The following ATAD3B variants were observed in gnomAD, a reference collection of about 807,000 sequenced individuals.
ATAD3B encodes the protein ATPase family AAA domain-containing protein 3B.
ATAD3B carries 59 observed loss-of-function variants against 70.2 expected under a neutral mutation model. The ratio of observed to expected loss-of-function variants is 0.84; its 90% confidence interval spans 0.68 to 1.04. The LOEUF (loss-of-function observed/expected upper bound fraction) is 1.04, where lower values mean the gene tolerates loss of function less well. Among genes scored for constraint, ATAD3B ranks in the 50% least tolerant of loss-of-function variants. The pLI is 0.00. For synonymous variants in ATAD3B, 423 were observed against 388.6 expected (o/e 1.09, Z -1.04); for missense variants, 961 against 913.4 (o/e 1.05, Z -0.67).
In ATAD3B at chr1:1,496,091, A is replaced by G; in HGVS notation, c.*274A>G. 2 of 1,205,384 alleles carry G rather than the reference A, an allele frequency of 1.7e-6. No homozygotes were observed. The highest frequency in any genetic ancestry group is 1.0e-6 in the Non-Finnish European group (1 of 966,882). The allele number at this position is 1,205,384 out of a possible 1,614,324, so 74.7% of individuals were successfully genotyped here. A position where few individuals can be genotyped will look rare whatever the true frequency, so the allele number is the denominator to read the frequency against. ...CTGAACCCTGCTTCCAGCCATGGCC[A>G]GGGGCCACGGAACCCGGCAGGGGTG... On this transcript the variant is annotated 3_prime_UTR_variant, in exon 16 of 16. Coordinates refer to ENST00000673477, the MANE Select transcript of ATAD3B (RefSeq NM_031921.6).
the ATAD3B span, among the ~76,000 whole-genome samples, chr1:1,508,535 G>T: frequency 3.9e-4 from 59 of 151,350 alleles, no homozygotes; most frequent in Non-Finnish European, 7.4e-4. Flanking sequence ...GCCCAGTGGG[G>T]GTCCCCACAC....
intron 8 of ATAD3B, among the ~76,000 whole-genome samples, chr1:1,485,534 G>A (rs1640160304): frequency 1.3e-5 from 2 of 152,114 alleles, no homozygotes; most frequent in African/African-American, 4.8e-5. Context: ...CCCCTGAGGT[G>A]CCTGCTCTCC....
At chr1:1,506,454 G>T in the ATAD3B span, among the ~76,000 whole-genome samples, 5 of 151,718 alleles carry the variant, frequency 3.3e-5, no homozygotes, top group South Asian at 1.0e-3. Context: ...ACCCAGGCTG[G>T]AGTGCAGTCG....
chr1:1,493,295 T>A (rs975144056), intron 15 of ATAD3B, among the ~76,000 whole-genome samples: 2 of 151,944 alleles, frequency 1.3e-5, no homozygotes, highest in Non-Finnish European at 2.9e-5. Context: ...GGAATAGAAG[T>A]GGTCAGAATT....
downstream of ATAD3B, among the ~76,000 whole-genome samples, chr1:1,498,419 C>G (rs1640854547): frequency 2.0e-5 from 3 of 151,956 alleles, no homozygotes; most frequent in Admixed American, 2.0e-4. Context: ...CGAGATCGCA[C>G]CACTGCACTC....
In ATAD3B at chr1:1,497,436, G is replaced by T. The variant is rs912293531; in HGVS notation, c.*1619G>T. The stretch of plus-strand genomic sequence containing the variant: ...TGTAGAGACCGAGTCTTGCTATAAT[G>T]CCCAGGCTGGTCTCCAACTCTTGGC... On this transcript the variant is annotated 3_prime_UTR_variant, in exon 16 of 16. Transcript: ENST00000673477. The T allele has an allele frequency of 4.0e-5, 6 of 149,296 alleles. No homozygotes were observed. Among genetic ancestry groups the T allele is most frequent in the Admixed American group, 6.7e-5 (1 of 14,878 alleles). The allele number at this position is 149,296 out of a possible 1,614,324, so 9.2% of individuals were successfully genotyped here.
At chr1:1,501,162 CAG>C (rs1471223268), downstream of ATAD3B, among the ~76,000 whole-genome samples, 5 of 152,078 alleles carry the variant, frequency 3.3e-5, no homozygotes, top group African/African-American at 1.2e-4. Flanking sequence ...GATCTCGGCT[CAG>C]TGCAACCTCC....
rs1476711817 is a variant in ATAD3B at position 1,496,127 on chromosome 1, C to A, written c.*310C>A. 1 of 1,135,454 alleles carries A rather than the reference C, an allele frequency of 8.8e-7. No individual in the cohort carries two copies. 70.3% of individuals were successfully genotyped at this position (1,135,454 alleles called of 1,614,324 possible). A position where few individuals can be genotyped will look rare whatever the true frequency, so the allele number is the denominator to read the frequency against. On this transcript the variant is annotated 3_prime_UTR_variant, in exon 16 of 16. Transcript: ENST00000673477. ...AACCCGGCAGGGGTGTCTGAGGCCG[C>A]CCTGTCAGCTGGCCGGTCCAAGCCT...
At chr1:1,486,477 G>A in intron 10 of ATAD3B, 67 bp from the exon 11 acceptor site, 3 of 1,611,338 alleles carry the variant, frequency 1.9e-6, no homozygotes, top group Non-Finnish European at 2.5e-6. Flanking sequence ...CACTCCAGGT[G>A]GAGTGTGCAG....
chr1:1,493,781 T>C (rs1190189196), intron 15 of ATAD3B, among the ~76,000 whole-genome samples: 6 of 152,062 alleles, frequency 3.9e-5, no homozygotes, highest in African/African-American at 1.4e-4. Context: ...TCCTGCTTGG[T>C]TAGGGTGTAG....
In ATAD3B at chr1:1,479,326, G is replaced by A. The variant is rs2649577; in HGVS notation, c.444+218G>A. Among the ~76,000 whole-genome samples the A allele has an allele frequency of 3.4e-5, 5 of 147,592 alleles. 1 individual carries two copies. The highest frequency in any genetic ancestry group is 7.4e-5 in the Non-Finnish European group (5 of 67,150). On this transcript the variant is annotated intron_variant, in intron 4 of 15. Coordinates refer to ENST00000673477, the MANE Select transcript of ATAD3B (RefSeq NM_031921.6). Reference sequence around the variant, plus strand: ...CATGTACACGGAGACACAGGCACCTGCCCACACAGACACACACTCCTCGCA... The same window carrying A: ...CATGTACACGGAGACACAGGCACCTACCCACACAGACACACACTCCTCGCA...
intron 15 of ATAD3B, among the ~76,000 whole-genome samples, chr1:1,495,159 C>G (rs1167899916): frequency 6.6e-6 from 1 of 152,060 alleles, no homozygotes; most frequent in Non-Finnish European, 1.5e-5. Context: ...ACGGCTGAGA[C>G]TCGCAGAGGG....
At position 1,495,698 on chromosome 1, in the gene ATAD3B, C is replaced by T. The variant is rs570265195; in HGVS notation, c.1828C>T (p.Pro610Ser). 1.9e-6 allele frequency: 3 copies of T among 1,613,266 alleles called. No individual in the cohort carries two copies. The highest frequency in any genetic ancestry group is 1.7e-5 in the Admixed American group (1 of 59,980). ...CCCCTCCTACCCCTGCCTTGCCGGC[C>T]CCTGCACATTTAGGATATGCTCCTG... ...TDPSYPCLAGPCTFRICSWMG... is the reference protein window; with the variant it reads ...TDPSYPCLAGSCTFRICSWMG... Residue 610 changes from proline (P) to serine (S), a missense_variant, in exon 16 of 16, where the codon CCC becomes TCC. Physicochemically the swap from Pro to Ser is moderately conservative, Grantham distance 74. Coordinates refer to ENST00000673477, the MANE Select transcript of ATAD3B (RefSeq NM_031921.6).
rs111711613 is a variant in ATAD3B at position 1,490,543 on chromosome 1, C to G, written c.1506-20C>G. 45 of 1,611,442 alleles carry G rather than the reference C, an allele frequency of 2.8e-5. 2 individuals carry two copies. The African/African-American group carries it at 3.1e-4, about 11-fold the overall frequency. The stretch of plus-strand genomic sequence containing the variant: ...GGGGTCCGCGGCCTTGGCTGCCTCA[C>G]TTGGGAACTCCTTCCCCAGGCGCCT... On this transcript the variant is annotated intron_variant, in intron 14 of 15. Transcript: ENST00000673477.
At position 1,479,717 on chromosome 1, in the gene ATAD3B, C is replaced by G. The variant is rs1190819797; in HGVS notation, c.444+609C>G. Among the ~76,000 whole-genome samples the G allele has an allele frequency of 5.6e-5, 8 of 143,888 alleles. 1 individual carries two copies. The highest frequency in any genetic ancestry group is 1.8e-4 in the African/African-American group (7 of 37,988). The allele number at this position is 143,888 out of a possible 152,430, so 94.4% of individuals were successfully genotyped here. On this transcript the variant is annotated intron_variant, in intron 4 of 15. Coordinates refer to ENST00000673477, the MANE Select transcript of ATAD3B (RefSeq NM_031921.6). ...CACTCCCGCATGGGGCATGCACGCA[C>G]CTCCCACACACACCCGATCACACAT...
At chr1:1,489,428 A>G in intron 13 of ATAD3B, 154 bp downstream of exon 13, 1 of 1,358,138 alleles carries the variant, frequency 7.4e-7, no homozygotes, top group African/African-American at 1.4e-5. Context: ...CCAGCTCGGG[A>G]CAGCACGGGG....
At chr1:1,490,026 C>T (rs1299940024) in intron 13 of ATAD3B, 12 of 1,381,422 alleles carry the variant, frequency 8.7e-6, no homozygotes, top group African/African-American at 5.8e-5. Flanking sequence ...AAGTACCACA[C>T]AGGGCAAGAA....
downstream of ATAD3B, among the ~76,000 whole-genome samples, chr1:1,502,379 T>A (rs910767461): frequency 6.6e-6 from 1 of 150,990 alleles, no homozygotes; most frequent in Non-Finnish European, 1.5e-5. Context: ...CGCGCCTGGC[T>A]AATTTTTTGT....
intron 7 of ATAD3B, chr1:1,484,538 G>T: frequency 6.4e-6 from 1 of 156,428 alleles, no homozygotes; most frequent in Non-Finnish European, 1.4e-5. Context: ...AGGTTGGTTA[G>T]GCTGGTCTTG....
Sources: allele counts gnomAD v4.1 joint callset (sites outside exome capture counted in the v4.1 genomes callset), GRCh38; gene constraint gnomAD v4.1.1; transcripts MANE v1.5; gene names NCBI Gene and HGNC (gene_info 2026-07-23, HGNC 2026-07-21).